The following HNMT variants were observed in gnomAD, a reference collection of about 807,000 sequenced individuals.
HNMT encodes the protein histamine N-methyltransferase.
A neutral mutation model predicts 32.1 loss-of-function variants in HNMT; 30 were observed. The ratio of observed to expected loss-of-function variants is 0.93; its 90% CI spans 0.70 to 1.27. The LOEUF is 1.27. HNMT is among the 50% of genes most tolerant of loss of function. HNMT has a pLI of 0.00. For synonymous variants in HNMT, 125 were observed against 119.0 expected (o/e 1.05, Z -0.33); for missense variants, 327 against 346.0 (o/e 0.95, Z 0.43).
intron 2 of HNMT, among the ~76,000 whole-genome samples, chr2:137,996,369 C>T (rs1680994494): frequency 6.6e-6 from 1 of 152,178 alleles, no homozygotes; most frequent in Admixed American, 6.5e-5. Flanking sequence ...CATTCCTTTA[C>T]ACCAACAATA....
In HNMT at chr2:138,016,336, T is replaced by C. The variant is rs916145488; in HGVS notation, c.*2206T>C. ...CAGAGCTCAAGAAACCCAATAAAGT[T>C]ATGTGTTGCCAGTGTAAACCTTAAC... On this transcript the variant is annotated 3_prime_UTR_variant, in exon 6 of 6. Coordinates refer to ENST00000280097, the MANE Select transcript of HNMT (RefSeq NM_006895.3). 11 of 152,164 alleles carry C rather than the reference T, an allele frequency of 7.2e-5. No homozygotes were observed. Among genetic ancestry groups the C allele is most frequent in the Admixed American group, 5.2e-4 (8 of 15,252 alleles). The allele number at this position is 152,164 out of a possible 1,614,324, so 9.4% of individuals were successfully genotyped here.
rs1227741178 is a variant in HNMT, at chr2:138,002,072, G to A, written c.307G>A (p.Ala103Thr). The A allele has an allele frequency of 1.2e-5, 19 of 1,582,100 alleles. No individual in the cohort carries two copies. Among genetic ancestry groups the A allele is most frequent in the Non-Finnish European group, 1.3e-5 (15 of 1,166,652 alleles). ...EQIAKYKELV[A>T]KTSNLENVKF... ...TCTTCTCTGTATTTTAGAGCTTGTA[G>A]CCAAGACATCGAACCTCGAGAACGT... The change falls in exon 4 of 6, where the codon GCC (alanine) becomes ACC (threonine). Residue 103 changes from alanine to threonine, a missense_variant. Physicochemically the swap from Ala to Thr is moderately conservative, Grantham distance 58. Transcript: ENST00000280097.
intron 1 of HNMT, among the ~76,000 whole-genome samples, chr2:137,968,061 T>C (rs922815995): frequency 5.9e-5 from 9 of 152,196 alleles, no homozygotes; most frequent in African/African-American, 2.2e-4. Context: ...AGCTCTTTCC[T>C]GGGAGATCCT....
At chr2:137,972,354 C>T (rs139312654) in intron 2 of HNMT, among the ~76,000 whole-genome samples, 2,595 of 152,214 alleles carry the variant, frequency 0.017, 67 homozygotes, top group African/African-American at 0.059. Context: ...GATTTGTCTG[C>T]CTCGGCCTCC....
intron 2 of HNMT, chr2:137,981,721 A>G (rs940371546): frequency 4.8e-5 from 12 of 248,014 alleles, no homozygotes; most frequent in Non-Finnish European, 7.9e-5. Flanking sequence ...CTCTAACCCT[A>G]TAACATAAAC....
chr2:137,966,182 G>A (rs181925730), intron 1 of HNMT, among the ~76,000 whole-genome samples: 2 of 152,240 alleles, frequency 1.3e-5, no homozygotes, highest in African/African-American at 4.8e-5. Flanking sequence ...GTGGCTCACT[G>A]TGCTAATTGA....
At chr2:138,010,483 A>C (rs956231283) in intron 5 of HNMT, among the ~76,000 whole-genome samples, 9 of 89,136 alleles carry the variant, frequency 1.0e-4, no homozygotes, top group Admixed American at 2.6e-4. Context: ...ACACACACAC[A>C]GCAAATGGAA....
chr2:137,981,679 T>C, intron 2 of HNMT: 1 of 356,092 alleles, frequency 2.8e-6, no homozygotes, highest in South Asian at 5.5e-5. Flanking sequence ...TGGTAAATTA[T>C]CTCCATATAA....
chr2:137,988,356 C>G (rs1339472038), intron 2 of HNMT, among the ~76,000 whole-genome samples: 1 of 152,042 alleles, frequency 6.6e-6, no homozygotes, highest in African/African-American at 2.4e-5. Flanking sequence ...AATAAGAGCA[C>G]AGCTAGTAGG....
intron 2 of HNMT, chr2:137,981,117 A>C: frequency 7.4e-7 from 1 of 1,349,946 alleles, no homozygotes; most frequent in Non-Finnish European, 9.9e-7. Flanking sequence ...CCTGCTGATA[A>C]TATATATTTT....
At chr2:137,987,686 T>A (rs1680690428) in intron 2 of HNMT, among the ~76,000 whole-genome samples, 1 of 148,304 alleles carries the variant, frequency 6.7e-6, no homozygotes, top group Non-Finnish European at 1.5e-5. Flanking sequence ...TAACCCCTCA[T>A]ATGCCTGCAA....
At chr2:137,966,235 C>A (rs1454681527) in intron 1 of HNMT, among the ~76,000 whole-genome samples, 1 of 152,074 alleles carries the variant, frequency 6.6e-6, no homozygotes, top group Non-Finnish European at 1.5e-5. Flanking sequence ...GCAAGACATG[C>A]CATATTTTAA....
At chr2:138,005,076 G>A (rs1249748138) in intron 4 of HNMT, 56 bp from the exon 5 acceptor site, 3 of 944,272 alleles carry the variant, frequency 3.2e-6, no homozygotes, top group Non-Finnish European at 5.2e-6. Context: ...TCTAGCCCAA[G>A]CAATAAAGAC....
At chr2:138,001,329 G>T (rs958096596) in intron 3 of HNMT, among the ~76,000 whole-genome samples, 1 of 152,146 alleles carries the variant, frequency 6.6e-6, no homozygotes, top group Admixed American at 6.6e-5. Context: ...CAACCTTAAA[G>T]AGCTTATGTT....
chr2:138,010,441 GCACACA>G (rs56391028), intron 5 of HNMT, among the ~76,000 whole-genome samples: 4,785 of 125,672 alleles, frequency 0.038, 282 homozygotes, highest in African/African-American at 0.13. Flanking sequence ...AAAGACACAC[GCACACA>G]CACACACACA....
intron 2 of HNMT, among the ~76,000 whole-genome samples, chr2:137,988,249 G>T (rs955414054): frequency 6.6e-6 from 1 of 152,154 alleles, no homozygotes; most frequent in African/African-American, 2.4e-5. Context: ...GTTTAAAATG[G>T]TTATCATGGT....
intron 2 of HNMT, among the ~76,000 whole-genome samples, chr2:137,979,241 A>G (rs557609459): frequency 8.3e-4 from 124 of 149,996 alleles, no homozygotes; most frequent in African/African-American, 2.7e-3. Flanking sequence ...ACAAATATAA[A>G]TGAATTTTAC....
At chr2:137,970,933 A>AAAAGAAAGAAAGAAAGAAAGAAAG (rs779617692) in intron 2 of HNMT, among the ~76,000 whole-genome samples, 7 of 86,686 alleles carry the variant, frequency 8.1e-5, no homozygotes, top group African/African-American at 3.1e-4. Flanking sequence ...AAAAAAAAAA[A>AAAAGAAAGAAAGAAAGAAAGAAAG]AAAGAAAGAA....
At chr2:138,000,305 C>T (rs1681125641) in intron 2 of HNMT, among the ~76,000 whole-genome samples, 1 of 152,100 alleles carries the variant, frequency 6.6e-6, no homozygotes, top group African/African-American at 2.4e-5. Flanking sequence ...ATCTCTCGTC[C>T]TCTCCCCATA....
Sources: gnomAD v4.1 joint callset for allele counts (sites outside exome capture counted in the v4.1 genomes callset) on GRCh38, gnomAD v4.1.1 for gene constraint, MANE v1.5 for transcripts, NCBI Gene and HGNC (gene_info 2026-07-23, HGNC 2026-07-21) for gene names.